The following PIN1 variants were observed in gnomAD, a reference collection of about 807,000 sequenced individuals.
PIN1 encodes the protein peptidylprolyl cis/trans isomerase, NIMA-interacting 1.
A neutral mutation model predicts 19.9 loss-of-function variants in PIN1; 8 were observed. That is an observed-to-expected ratio of 0.40 (90% CI 0.24 to 0.72). PIN1 has a LOEUF of 0.72. Ranked by LOEUF, PIN1 falls within the 30% of genes least tolerant of loss-of-function variation. The pLI is 0.37. For synonymous variants in PIN1, 86 were observed against 90.8 expected (o/e 0.95, Z 0.30); for missense variants, 185 against 226.5 (o/e 0.82, Z 1.18).
At position 9,849,660 on chromosome 19, in the gene PIN1, C is replaced by T; in HGVS notation, c.*461C>T. 2 of 516,840 alleles carry T rather than the reference C, an allele frequency of 3.9e-6. No homozygotes were observed. Among genetic ancestry groups the T allele is most frequent in the Non-Finnish European group, 7.7e-6 (2 of 259,942 alleles). The allele number at this position is 516,840 out of a possible 1,614,324, so 32.0% of individuals were successfully genotyped here. On this transcript the variant is annotated 3_prime_UTR_variant, in exon 4 of 4. Coordinates refer to ENST00000247970, the MANE Select transcript of PIN1 (RefSeq NM_006221.4). The stretch of plus-strand genomic sequence containing the variant: ...GAGCAACTGTGCAGCACCCTTTCAC[C>T]CCCAATTAAACCCAGAACCACTGCT...
intron 2 of PIN1, among the ~76,000 whole-genome samples, chr19:9,842,709 G>A (rs2046180125): frequency 6.6e-6 from 1 of 152,226 alleles, no homozygotes; most frequent in Non-Finnish European, 1.5e-5. Context: ...CAGTGAGGTG[G>A]CCCCGGCCGA....
At chr19:9,842,067 G>A (rs1985604) in intron 2 of PIN1, among the ~76,000 whole-genome samples, 14,858 of 152,224 alleles carry the variant, frequency 0.098, 859 homozygotes, top group Middle Eastern at 0.17. Flanking sequence ...AGGCGTCACC[G>A]TAGGTACCTG....
chr19:9,843,135 G>A (rs1165431750), intron 2 of PIN1, among the ~76,000 whole-genome samples: 1 of 152,254 alleles, frequency 6.6e-6, no homozygotes, highest in Non-Finnish European at 1.5e-5. Flanking sequence ...TCTGTTGACA[G>A]CCACCCCTCA....
intron 2 of PIN1, among the ~76,000 whole-genome samples, chr19:9,844,290 C>G (rs909374681): frequency 2.0e-5 from 3 of 152,228 alleles, no homozygotes; most frequent in Non-Finnish European, 4.4e-5. Flanking sequence ...CTCCTTGGAA[C>G]AGGCTCCAAC....
At chr19:9,843,856 T>C (rs1380816360) in intron 2 of PIN1, among the ~76,000 whole-genome samples, 1 of 152,068 alleles carries the variant, frequency 6.6e-6, no homozygotes, top group East Asian at 1.9e-4. Context: ...AAGACCAGCC[T>C]GGCCAACATG....
At chr19:9,844,803 C>G (rs570446156) in intron 2 of PIN1, among the ~76,000 whole-genome samples, 3 of 152,196 alleles carry the variant, frequency 2.0e-5, no homozygotes, top group African/African-American at 7.2e-5. Flanking sequence ...ATTTCTGCTT[C>G]GAGCCCCGTG....
Position 9,835,383 on chromosome 19 carries a change from G to A in PIN1, c.39G>A (p.Lys13=), listed in dbSNP as rs1054555750. 3.3e-6 allele frequency: 5 copies of A among 1,519,982 alleles called. No homozygotes were observed. The highest frequency in any genetic ancestry group is 4.4e-6 in the Non-Finnish European group (5 of 1,140,936). The allele number at this position is 1,519,982 out of a possible 1,614,324, so 94.2% of individuals were successfully genotyped here. ...AGAAGCTGCCGCCCGGCTGGGAGAA[G>A]CGCATGAGCCGCAGCTCAGGTGCCG... ...DEEKLPPGWE[K]RMSRSSGRVY... The change falls in exon 1 of 4, where the codon AAG becomes AAA. Residue 13 remains lysine, a synonymous_variant. Transcript: ENST00000247970.
chr19:9,835,755 G>T, intron 1 of PIN1: 1 of 325,078 alleles, frequency 3.1e-6, no homozygotes. Context: ...CTGGGAGGGA[G>T]ACACCCCAGT....
chr19:9,836,577 A>T (rs1421658814), intron 1 of PIN1: 1 of 310,798 alleles, frequency 3.2e-6, no homozygotes, highest in Non-Finnish European at 6.5e-6. Context: ...TTTATGGGTG[A>T]CACTCCATGT....
chr19:9,838,466 A>G lies in PIN1; in HGVS notation c.89A>G (p.Asn30Ser). ...GRVYYFNHITNASQWERPSGN... is the reference protein window; with the variant it reads ...GRVYYFNHITSASQWERPSGN... ...GTGTACTACTTCAACCACATCACTA[A>G]CGCCAGCCAGTGGGAGCGGCCCAGC... The change falls in exon 2 of 4, where the codon AAC (asparagine) becomes AGC (serine). Residue 30 changes from asparagine (N) to serine (S), a missense_variant. Coordinates refer to ENST00000247970, the MANE Select transcript of PIN1 (RefSeq NM_006221.4). The surrounding 1 kb of genome is among the most constrained non-coding windows in gnomAD (Gnocchi z 5.8). 6.2e-7 allele frequency: 1 copy of G among 1,607,846 alleles called. No individual in the cohort carries two copies. Among genetic ancestry groups the G allele is most frequent in the Non-Finnish European group, 8.5e-7 (1 of 1,178,342 alleles).
intron 1 of PIN1, chr19:9,836,713 T>C: frequency 3.2e-6 from 2 of 632,706 alleles, no homozygotes; most frequent in South Asian, 1.5e-5. Context: ...CCAGTAATGC[T>C]GGTTCCTAGC....
chr19:9,848,495 C>T (rs2046243535), intron 3 of PIN1: 1 of 299,530 alleles, frequency 3.3e-6, no homozygotes, highest in Non-Finnish European at 6.5e-6. Flanking sequence ...AGTCCCAGGG[C>T]CTGTCCCCCA....
intron 2 of PIN1, among the ~76,000 whole-genome samples, chr19:9,841,385 A>G (rs1568359864): frequency 6.6e-6 from 1 of 152,098 alleles, no homozygotes; most frequent in African/African-American, 2.4e-5. Context: ...GCCTTGTTTC[A>G]TGAGCCAGTA....
In PIN1 at chr19:9,841,285, C is replaced by G. The variant is rs2046163268; in HGVS notation, c.271+2637C>G. ...TGAAGGCTGATTGAAGAGCCAGCCT[C>G]CTGACCTCTGAGGGCAGGGACTGGA... On this transcript the variant is annotated intron_variant, in intron 2 of 3. Coordinates refer to ENST00000247970, the MANE Select transcript of PIN1 (RefSeq NM_006221.4). Among the ~76,000 whole-genome samples, 3 of 152,204 alleles carry G rather than the reference C, an allele frequency of 2.0e-5. No individual in the cohort carries two copies. The South Asian group carries it at 6.2e-4, about 32-fold the overall frequency.
At position 9,838,569 on chromosome 19, in the gene PIN1, C is replaced by G; in HGVS notation, c.192C>G (p.His64Gln). 6.4e-7 allele frequency: 1 copy of G among 1,574,684 alleles called. No homozygotes were observed. The highest frequency in any genetic ancestry group is 8.6e-7 in the Non-Finnish European group (1 of 1,160,838). ...RVRCSHLLVK[H>Q]SQSRRPSSWR... ...GCTGCTCGCACCTGCTGGTGAAGCA[C>G]AGCCAGTCACGGCGGCCCTCGTCCT... Residue 64 changes from histidine to glutamine, a missense_variant, in exon 2 of 4, where the codon CAC becomes CAG. Physicochemically the swap from His to Gln is conservative, Grantham distance 24. Transcript: ENST00000247970. This position sits in a 1 kb window ranked among gnomAD's most constrained non-coding sequence, Gnocchi z 5.8.
At chr19:9,847,687 C>T (rs151212956) in intron 2 of PIN1, among the ~76,000 whole-genome samples, 196 of 125,522 alleles carry the variant, frequency 1.6e-3, no homozygotes, top group Non-Finnish European at 2.8e-3. Context: ...TTTTCCCTCA[C>T]GTGTGTGTGT....
intron 1 of PIN1, chr19:9,836,851 G>A (rs1331573420): frequency 2.3e-6 from 3 of 1,287,018 alleles, no homozygotes; most frequent in Non-Finnish European, 2.0e-6. Context: ...GTTACCCACT[G>A]CTGCCATTCC....
intron 2 of PIN1, among the ~76,000 whole-genome samples, chr19:9,842,273 G>A (rs1196859458): frequency 2.6e-5 from 4 of 152,196 alleles, no homozygotes; most frequent in Non-Finnish European, 2.9e-5. Flanking sequence ...AGGGTGGGAT[G>A]TCTGGGGGAG....
intron 2 of PIN1, among the ~76,000 whole-genome samples, chr19:9,842,265 G>T (rs1274028932): frequency 6.6e-6 from 1 of 152,200 alleles, no homozygotes; most frequent in African/African-American, 2.4e-5. Flanking sequence ...GGTGGGCAAG[G>T]GTGGGATGTC....
Sources: gnomAD v4.1 joint callset for allele counts (sites outside exome capture counted in the v4.1 genomes callset) on GRCh38, gnomAD v4.1.1 for gene constraint, Gnocchi (gnomAD v3.1) non-coding constraint, MANE v1.5 for transcripts, NCBI Gene and HGNC (gene_info 2026-07-23, HGNC 2026-07-21) for gene names.